CLDN11: variants seen among roughly 807,000 people sequenced by gnomAD.
CLDN11 encodes the protein claudin 11.
CLDN11 carries 1 observed loss-of-function variant against 18.0 expected under a neutral mutation model. The ratio of observed to expected loss-of-function variants is 0.06; its 90% CI spans 0.02 to 0.26. The LOEUF (loss-of-function observed/expected upper bound fraction) is 0.26. Among genes scored for constraint, CLDN11 ranks in the 10% least tolerant of loss-of-function variants. The probability of loss-of-function intolerance (pLI) is 1.00; values close to 1 mark genes in which losing one functional copy is unlikely to be tolerated. For missense variants in CLDN11, 172 were observed against 276.6 expected (o/e 0.62, Z 2.68); for synonymous variants, 116 against 121.5 (o/e 0.96, Z 0.30).
chr3:170,429,530 T>TC (rs1303256751), intron 2 of CLDN11, among the ~76,000 whole-genome samples: 1 of 152,194 alleles, frequency 6.6e-6, no homozygotes, highest in Non-Finnish European at 1.5e-5. Context: ...ATCCATTCGT[T>TC]CCCCCGTTCA....
At position 170,432,530 on chromosome 3, in the gene CLDN11, G is replaced by C. The variant is rs754842359; in HGVS notation, c.398G>C (p.Cys133Ser). The C allele has an allele frequency of 1.3e-5, 21 of 1,612,506 alleles. No individual in the cohort carries two copies. Among genetic ancestry groups the C allele is most frequent in the Admixed American group, 1.7e-5 (1 of 60,000 alleles). ...CCTCTCCATGTCTCTCCAGCTCTCT[G>C]CGCCCTTGTTGCCACCATCTGGTTC... ...AGVLLILLAL[C>S]ALVATIWFPV... Residue 133 changes from cysteine (C) to serine (S), a missense_variant, in exon 3 of 3, where the codon TGC becomes TCC. This residue lies in a region of CLDN11 where 161 missense variants were observed against 240.3 expected (regional missense o/e 0.67). Coordinates refer to ENST00000064724, the MANE Select transcript of CLDN11 (RefSeq NM_005602.6).
In CLDN11 at chr3:170,423,321, C is replaced by G; in HGVS notation, c.385C>G (p.Leu129Val). Reference sequence around the variant, plus strand: ...CCAGCTGGCTGGTGTTTTGCTCATTCTGCTGGGTAAGACAGCTTTCTCAGT... The same window carrying G: ...CCAGCTGGCTGGTGTTTTGCTCATTGTGCTGGGTAAGACAGCTTTCTCAGT... ...RAQLAGVLLI[L>V]LALCALVATI... is the part of the protein sequence containing the mutation. Residue 129 changes from leucine (L) to valine (V), a missense_variant, in exon 2 of 3, where the codon CTG becomes GTG. Coordinates refer to ENST00000064724, the MANE Select transcript of CLDN11 (RefSeq NM_005602.6). The G allele has an allele frequency of 6.2e-7, 1 of 1,614,188 alleles. No individual in the cohort carries two copies. The highest frequency in any genetic ancestry group is 8.5e-7 in the Non-Finnish European group (1 of 1,180,028).
intron 2 of CLDN11, among the ~76,000 whole-genome samples, chr3:170,424,146 C>T (rs1170910694): frequency 6.6e-6 from 1 of 152,106 alleles, no homozygotes; most frequent in African/African-American, 2.4e-5. Context: ...CGTCCTTTAA[C>T]TCAGTAAGCC....
In CLDN11 at chr3:170,419,569, A is replaced by G. The variant is rs1188029826; in HGVS notation, c.226+277A>G. 1.3e-5 allele frequency among the ~76,000 whole-genome samples: 2 copies of G among 152,208 alleles called. No individual in the cohort carries two copies. The highest frequency in any genetic ancestry group is 2.9e-5 in the Non-Finnish European group (2 of 68,034). On this transcript the variant is annotated intron_variant, in intron 1 of 2. Coordinates refer to ENST00000064724, the MANE Select transcript of CLDN11 (RefSeq NM_005602.6). The surrounding 1 kb of genome is among the most constrained non-coding windows in gnomAD (Gnocchi z 8.6). ...GAGAATGAACAAACCGGAACACCTA[A>G]TAGGAACTGAGTCCGTGTTAATTAC...
At position 170,433,143 on chromosome 3, in the gene CLDN11, T is replaced by TC. The variant is rs1739047241; in HGVS notation, c.*387_*388insC. ...AAATACAAGATACTTTTTTTTTTTT[T>TC]TTTTTTTTTTTTTTTTTAAATAGGG... On this transcript the variant is annotated 3_prime_UTR_variant, in exon 3 of 3. Transcript: ENST00000064724. 1 of 135,816 alleles carries TC rather than the reference T, an allele frequency of 7.4e-6. No individual in the cohort carries two copies. The highest frequency in any genetic ancestry group is 1.6e-5 in the Non-Finnish European group (1 of 61,638). 8.4% of individuals were successfully genotyped at this position (135,816 alleles called of 1,614,324 possible). A position where few individuals can be genotyped will look rare whatever the true frequency, so the allele number is the denominator to read the frequency against.
Position 170,419,365 on chromosome 3 carries a change from C to G in CLDN11, c.226+73C>G. ...TAGAGAGCGGGATATTAGACGGCGT[C>G]ACAGAGACATTTTGGGGGCTTGAAG... On this transcript the variant is annotated intron_variant, in intron 1 of 2. Coordinates refer to ENST00000064724, the MANE Select transcript of CLDN11 (RefSeq NM_005602.6). This position sits in a 1 kb window ranked among gnomAD's most constrained non-coding sequence, Gnocchi z 8.6. The G allele has an allele frequency of 8.8e-7, 1 of 1,131,950 alleles. No homozygotes were observed. Among genetic ancestry groups the G allele is most frequent in the South Asian group, 1.5e-5 (1 of 66,180 alleles). 70.1% of individuals were successfully genotyped at this position (1,131,950 alleles called of 1,614,324 possible). A position where few individuals can be genotyped will look rare whatever the true frequency, so the allele number is the denominator to read the frequency against.
rs112309306 is a variant in CLDN11 at position 170,427,181 on chromosome 3, C to T, written c.391+3854C>T. ...TATATGCTTCATCTTTCCACTTCTC[C>T]ATTTCTTCCAGTCTTCAGATTTTTA... On this transcript the variant is annotated intron_variant, in intron 2 of 2. Transcript: ENST00000064724. Among the ~76,000 whole-genome samples, 246 of 152,304 alleles carry T rather than the reference C, an allele frequency of 1.6e-3. 1 individual carries two copies. The highest frequency in any genetic ancestry group is 3.1e-3 in the Non-Finnish European group (210 of 68,024).
intron 2 of CLDN11, among the ~76,000 whole-genome samples, chr3:170,432,303 C>T (rs574958787): frequency 4.6e-5 from 7 of 152,032 alleles, no homozygotes; most frequent in Non-Finnish European, 1.0e-4. Context: ...ATTGTTTTGT[C>T]TCTGTTACCT....
chr3:170,428,804 A>C (rs886940397), intron 2 of CLDN11, among the ~76,000 whole-genome samples: 1 of 152,226 alleles, frequency 6.6e-6, no homozygotes, highest in Non-Finnish European at 1.5e-5. Context: ...TAGAGACTTA[A>C]TTTAAAAATA....
chr3:170,432,214 A>G (rs1739017647), intron 2 of CLDN11, among the ~76,000 whole-genome samples: 1 of 152,272 alleles, frequency 6.6e-6, no homozygotes, highest in Admixed American at 6.5e-5. Flanking sequence ...AACTGTAGAT[A>G]TGAAGTGTTG....
At chr3:170,432,487 G>GGTTGCGCCC in intron 2 of CLDN11, 37 bp from the exon 3 acceptor site, 1 of 1,608,210 alleles carries the variant, frequency 6.2e-7, no homozygotes, top group Non-Finnish European at 8.5e-7. Context: ...GGTGTGTGAT[G>GGTTGCGCCC]GTTGCGCCCA....
At chr3:170,423,053 A>C in intron 1 of CLDN11, 110 bp from the exon 2 acceptor site, 1 of 1,176,196 alleles carries the variant, frequency 8.5e-7, no homozygotes, top group Non-Finnish European at 1.3e-6. Flanking sequence ...TAAGTCCTGG[A>C]ATCCACCAAG....
intron 2 of CLDN11, among the ~76,000 whole-genome samples, chr3:170,427,431 G>T (rs764870504): frequency 9.9e-5 from 15 of 152,248 alleles, no homozygotes; most frequent in Non-Finnish European, 1.6e-4. Context: ...AAACCAGCCT[G>T]ACCAACATGG....
At chr3:170,432,443 T>C in intron 2 of CLDN11, 81 bp from the exon 3 acceptor site, 1 of 1,588,708 alleles carries the variant, frequency 6.3e-7, no homozygotes, top group Non-Finnish European at 8.5e-7. Flanking sequence ...CACAAGTGTG[T>C]GTATGTGGAG....
At chr3:170,430,637 G>A (rs1738978202) in intron 2 of CLDN11, among the ~76,000 whole-genome samples, 1 of 151,702 alleles carries the variant, frequency 6.6e-6, no homozygotes, top group Non-Finnish European at 1.5e-5. Flanking sequence ...CTGCCTTCTG[G>A]GTTCAAGCAA....
intron 2 of CLDN11, among the ~76,000 whole-genome samples, chr3:170,425,901 G>A (rs2108245784): frequency 6.6e-6 from 1 of 152,310 alleles, no homozygotes; most frequent in African/African-American, 2.4e-5. Flanking sequence ...CATGGCACCT[G>A]CTGATCTCCT....
intron 1 of CLDN11, among the ~76,000 whole-genome samples, chr3:170,420,485 T>C (rs77575299): frequency 1.8e-3 from 275 of 152,272 alleles, no homozygotes; most frequent in African/African-American, 6.4e-3. Flanking sequence ...ATCCCTCCTT[T>C]CTCCTTGCTG....
Position 170,419,017 on chromosome 3 carries a change from C to T in CLDN11, c.-50C>T. 7.1e-7 allele frequency: 1 copy of T among 1,401,726 alleles called. No homozygotes were observed. The highest frequency in any genetic ancestry group is 2.0e-5 in the Admixed American group (1 of 50,614). 86.8% of individuals were successfully genotyped at this position (1,401,726 alleles called of 1,614,324 possible). On this transcript the variant is annotated 5_prime_UTR_variant, in exon 1 of 3. Coordinates refer to ENST00000064724, the MANE Select transcript of CLDN11 (RefSeq NM_005602.6). The surrounding 1 kb of genome is among the most constrained non-coding windows in gnomAD (Gnocchi z 8.6). ...CTGGGCAGGCACTGTCCAGCCCAGG[C>T]CCAGGCACAGCCGTGAGGGGCGAGG...
chr3:170,426,033 G>A lies in CLDN11; in HGVS notation c.391+2706G>A, dbSNP rs543717688. On this transcript the variant is annotated intron_variant, in intron 2 of 2. Coordinates refer to ENST00000064724, the MANE Select transcript of CLDN11 (RefSeq NM_005602.6). ...GGACTGTTTCTGTCACTCCCCCAGAGAAGCCAGCGCTAGGCCTGTGCAAGG... is the reference window on the plus strand; with the variant it reads ...GGACTGTTTCTGTCACTCCCCCAGAAAAGCCAGCGCTAGGCCTGTGCAAGG... Among the ~76,000 whole-genome samples, 11 of 152,268 alleles carry A rather than the reference G, an allele frequency of 7.2e-5. 1 individual carries two copies. The highest frequency in any genetic ancestry group is 2.6e-4 in the Admixed American group (4 of 15,294).
Sources: allele counts gnomAD v4.1 joint callset (sites outside exome capture counted in the v4.1 genomes callset), GRCh38; gene constraint gnomAD v4.1.1; regional missense constraint gnomAD v4.1.1; non-coding constraint Gnocchi (gnomAD v3.1); transcripts MANE v1.5; gene names NCBI Gene and HGNC (gene_info 2026-07-23, HGNC 2026-07-21).